SLC1A2: variants seen among roughly 807,000 people sequenced by gnomAD.
SLC1A2 encodes the protein solute carrier family 1 member 2.
Under a neutral mutation model 48.8 loss-of-function variants are expected in SLC1A2, and 15 were observed. That is an observed-to-expected ratio of 0.31 (90% CI 0.21 to 0.47). The LOEUF (loss-of-function observed/expected upper bound fraction) is 0.47, where lower values mean the gene tolerates loss of function less well. Among genes scored for constraint, SLC1A2 ranks in the 20% least tolerant of loss-of-function variants. The probability of loss-of-function intolerance (pLI) is 0.99; values close to 1 mark genes in which losing one functional copy is unlikely to be tolerated. For missense variants in SLC1A2, 502 were observed against 730.5 expected, an observed-to-expected ratio of 0.69 and a Z score of 3.61; for synonymous variants, 279 against 272.6, an observed-to-expected ratio of 1.02 and a Z score of -0.23.
intron 6 of SLC1A2, among the ~76,000 whole-genome samples, chr11:35,297,333 G>T (rs1565222624): frequency 6.6e-6 from 1 of 151,988 alleles, no homozygotes; most frequent in Non-Finnish European, 1.5e-5. Flanking sequence ...AGCATCCACT[G>T]CCCCCACCTT....
chr11:35,384,875 G>A (rs1387471858), intron 1 of SLC1A2, among the ~76,000 whole-genome samples: 1 of 152,138 alleles, frequency 6.6e-6, no homozygotes, highest in East Asian at 1.9e-4. Flanking sequence ...CTAAGGCTGG[G>A]AAGCCCATGG....
intron 10 of SLC1A2, chr11:35,264,253 C>T (rs768917819): frequency 3.4e-4 from 52 of 152,280 alleles, no homozygotes; most frequent in Admixed American, 3.4e-3. Context: ...TGTTACAATC[C>T]AGTAAAGAGA....
At chr11:35,368,479 T>C (rs375159071) in intron 1 of SLC1A2, among the ~76,000 whole-genome samples, 1 of 152,344 alleles carries the variant, frequency 6.6e-6, no homozygotes, top group East Asian at 1.9e-4. Flanking sequence ...TGGCTGACAT[T>C]ATTATTGATT....
intron 5 of SLC1A2, among the ~76,000 whole-genome samples, chr11:35,304,617 T>C (rs1851449260): frequency 6.6e-6 from 1 of 152,080 alleles, no homozygotes; most frequent in Non-Finnish European, 1.5e-5. Flanking sequence ...TCACTCTCAC[T>C]CATCCAACCT....
chr11:35,353,101 C>G (rs1443450872), intron 1 of SLC1A2, among the ~76,000 whole-genome samples: 1 of 152,006 alleles, frequency 6.6e-6, no homozygotes, highest in East Asian at 1.9e-4. Context: ...TCAATATCAA[C>G]ATTTATCTAC....
intron 1 of SLC1A2, among the ~76,000 whole-genome samples, chr11:35,341,133 C>A (rs1852827616): frequency 6.6e-6 from 1 of 152,312 alleles, no homozygotes; most frequent in East Asian, 1.9e-4. Flanking sequence ...GAGGCTGGAA[C>A]TGCATTAGAG....
At chr11:35,314,572 G>A (rs1293180493) in intron 3 of SLC1A2, among the ~76,000 whole-genome samples, 1 of 151,952 alleles carries the variant, frequency 6.6e-6, no homozygotes, top group African/African-American at 2.4e-5. Flanking sequence ...AATTAGCCAG[G>A]CATGATGGCA....
At chr11:35,406,113 T>C (rs905776833) in intron 1 of SLC1A2, among the ~76,000 whole-genome samples, 2 of 152,176 alleles carry the variant, frequency 1.3e-5, no homozygotes, top group Non-Finnish European at 2.9e-5. Flanking sequence ...TCTGTTATGA[T>C]GAGTTGCTAT....
At chr11:35,414,627 C>T (rs1855558759) in intron 1 of SLC1A2, among the ~76,000 whole-genome samples, 1 of 152,168 alleles carries the variant, frequency 6.6e-6, no homozygotes, top group Non-Finnish European at 1.5e-5. Context: ...ATGAAGCATC[C>T]TGCCTGGCCC....
intron 1 of SLC1A2, among the ~76,000 whole-genome samples, chr11:35,331,117 G>T (rs1320789866): frequency 6.6e-6 from 1 of 152,202 alleles, no homozygotes; most frequent in Admixed American, 6.5e-5. Flanking sequence ...GAAGCAGCAT[G>T]CTCAGCCAGA....
chr11:35,271,593 C>T (rs770987445), intron 9 of SLC1A2, among the ~76,000 whole-genome samples: 3 of 152,116 alleles, frequency 2.0e-5, no homozygotes, highest in Non-Finnish European at 2.9e-5. Context: ...GAGGGTAAGA[C>T]GTTTCTCTGG....
chr11:35,271,165 C>T (rs1850269081), intron 9 of SLC1A2, among the ~76,000 whole-genome samples: 1 of 152,168 alleles, frequency 6.6e-6, no homozygotes, highest in African/African-American at 2.4e-5. Context: ...GACAATGTAA[C>T]CATATGTAGG....
At chr11:35,380,052 C>G (rs1398488520) in intron 1 of SLC1A2, among the ~76,000 whole-genome samples, 1 of 152,198 alleles carries the variant, frequency 6.6e-6, no homozygotes, top group South Asian at 2.1e-4. Flanking sequence ...AAAGGTCATA[C>G]CTGTTATAAT....
chr11:35,361,544 C>T (rs1332406075), intron 1 of SLC1A2, among the ~76,000 whole-genome samples: 1 of 152,148 alleles, frequency 6.6e-6, no homozygotes, highest in African/African-American at 2.4e-5. Flanking sequence ...TTCTGCTTCC[C>T]CCACCCCTTG....
At chr11:35,377,625 A>G (rs1369546429) in intron 1 of SLC1A2, among the ~76,000 whole-genome samples, 1 of 152,150 alleles carries the variant, frequency 6.6e-6, no homozygotes, top group Non-Finnish European at 1.5e-5. Flanking sequence ...CATTCATTCT[A>G]TTTCCAAGGA....
upstream of SLC1A2, chr11:35,419,637 T>TC (rs1261646847): frequency 1.0e-5 from 1 of 97,448 alleles, no homozygotes; most frequent in African/African-American, 4.1e-5. This position sits in a 1 kb window ranked among gnomAD's most constrained non-coding sequence, Gnocchi z 5.4. Flanking sequence ...CTGCCATCCC[T>TC]CCCCCCAGCC....
At chr11:35,261,361 A>C (rs1950391706) in intron 10 of SLC1A2, among the ~76,000 whole-genome samples, 1 of 152,224 alleles carries the variant, frequency 6.6e-6, no homozygotes, top group Non-Finnish European at 1.5e-5. Flanking sequence ...CTACTCATGC[A>C]TGTGAAAGGT....
intron 1 of SLC1A2, among the ~76,000 whole-genome samples, chr11:35,359,553 A>G (rs1334578978): frequency 6.6e-6 from 1 of 152,176 alleles, no homozygotes; most frequent in Non-Finnish European, 1.5e-5. Context: ...TCATGAGAGT[A>G]AAGTCATCAT....
chr11:35,337,407 C>G (rs944358361), intron 1 of SLC1A2, among the ~76,000 whole-genome samples: 2 of 152,130 alleles, frequency 1.3e-5, no homozygotes, highest in African/African-American at 4.8e-5. Context: ...TTGTGTAAAA[C>G]AGACATCTGA....
Sources: allele counts gnomAD v4.1 joint callset (sites outside exome capture counted in the v4.1 genomes callset), GRCh38; gene constraint gnomAD v4.1.1; non-coding constraint Gnocchi (gnomAD v3.1); transcripts MANE v1.5; gene names NCBI Gene and HGNC (gene_info 2026-07-23, HGNC 2026-07-21).